PAPLN: variants seen among roughly 807,000 people sequenced by gnomAD.
PAPLN encodes papilin.
PAPLN carries 146 observed loss-of-function variants against 159.0 expected under a neutral mutation model. The observed-to-expected ratio is 0.92, with a 90% CI of 0.80 to 1.05. The LOEUF (loss-of-function observed/expected upper bound fraction) is 1.05. Among genes scored for constraint, PAPLN ranks in the 50% least tolerant of loss-of-function variants. The probability of loss-of-function intolerance (pLI) is 0.00; values close to 1 mark genes in which losing one functional copy is unlikely to be tolerated. For missense variants in PAPLN, 1,720 were observed against 1,743.9 expected (o/e 0.99, Z 0.24); for synonymous variants, 734 against 702.9 (o/e 1.04, Z -0.70).
In PAPLN at chr14:73,266,618, C is replaced by G. The variant is rs1271780535; in HGVS notation, c.3381C>G (p.Leu1127=). 1.2e-6 allele frequency: 2 copies of G among 1,614,010 alleles called. No individual in the cohort carries two copies. Among genetic ancestry groups the G allele is most frequent in the Non-Finnish European group, 1.7e-6 (2 of 1,180,034 alleles). Reference sequence around the variant, plus strand: ...ACCGAGACCAGCGATGGGTCCAGCTCAGAGTTCTGGGTAAAGTGGCAGTCC... The same window carrying G: ...ACCGAGACCAGCGATGGGTCCAGCTGAGAGTTCTGGGTAAAGTGGCAGTCC... ...GQDRDQRWVQ[L]RVLGELTISG... The change falls in exon 24 of 27, where the codon CTC becomes CTG. Residue 1127 remains leucine, a synonymous_variant. Coordinates refer to ENST00000644200, the MANE Select transcript of PAPLN (RefSeq NM_001365906.3).
At chr14:73,263,459 G>A (rs1033894547) in intron 19 of PAPLN, 186 bp from the exon 20 acceptor site, 1 of 697,748 alleles carries the variant, frequency 1.4e-6, no homozygotes, top group Non-Finnish European at 2.4e-6. Context: ...GCCGGGGGCA[G>A]GTTGGGGAGG....
intron 14 of PAPLN, 39 bp downstream of exon 14, chr14:73,255,057 C>T (rs771858801): frequency 4.4e-6 from 7 of 1,581,800 alleles, no homozygotes; most frequent in Non-Finnish European, 6.0e-6. Context: ...GGCCTCTGAC[C>T]TCTCTCCCAC....
At position 73,251,846 on chromosome 14, in the gene PAPLN, G is replaced by T; in HGVS notation, c.843+10G>T. Reference sequence around the variant, plus strand: ...GCCCCTGGTCATCGAGGTAAATGGGGGTGTGGGGAGAGAGGGCGAGTGGGC... The same window carrying T: ...GCCCCTGGTCATCGAGGTAAATGGGTGTGTGGGGAGAGAGGGCGAGTGGGC... On this transcript the variant is annotated intron_variant, in intron 9 of 26. Coordinates refer to ENST00000644200, the MANE Select transcript of PAPLN (RefSeq NM_001365906.3). The T allele has an allele frequency of 6.3e-7, 1 of 1,587,562 alleles. No homozygotes were observed. Among genetic ancestry groups the T allele is most frequent in the Non-Finnish European group, 8.6e-7 (1 of 1,169,514 alleles).
chr14:73,255,719 A>G (rs1885828683), intron 14 of PAPLN, among the ~76,000 whole-genome samples: 1 of 151,920 alleles, frequency 6.6e-6, no homozygotes, highest in African/African-American at 2.4e-5. Context: ...TTTGGCCTTG[A>G]CTCACTCGTG....
chr14:73,267,114 C>G lies in PAPLN; in HGVS notation c.3500+283C>G, dbSNP rs549920142. Among the ~76,000 whole-genome samples, 7 of 152,266 alleles carry G rather than the reference C, an allele frequency of 4.6e-5. 1 individual carries two copies. In the South Asian group the frequency reaches 6.2e-4, roughly 14 times the overall value. ...TTGCTGAGGGCTGTCCTGTGCTTTGCAGGATGTTTAGCAGCATCCAGGGCA... is the reference window on the plus strand; with the variant it reads ...TTGCTGAGGGCTGTCCTGTGCTTTGGAGGATGTTTAGCAGCATCCAGGGCA... On this transcript the variant is annotated intron_variant, in intron 25 of 26. Coordinates refer to ENST00000644200, the MANE Select transcript of PAPLN (RefSeq NM_001365906.3).
intron 2 of PAPLN, among the ~76,000 whole-genome samples, chr14:73,241,046 C>T (rs1384302423): frequency 5.3e-5 from 8 of 151,848 alleles, no homozygotes; most frequent in Non-Finnish European, 4.4e-5. Context: ...CATCTGTGGG[C>T]GGAGGCTGAG....
intron 5 of PAPLN, among the ~76,000 whole-genome samples, chr14:73,248,947 G>A (rs572018752): frequency 2.0e-5 from 3 of 152,228 alleles, no homozygotes; most frequent in South Asian, 2.1e-4. Context: ...CCTGGGTATC[G>A]TAGTGAGACC....
At chr14:73,257,455 T>A (rs966767223) in intron 14 of PAPLN, among the ~76,000 whole-genome samples, 3 of 152,024 alleles carry the variant, frequency 2.0e-5, no homozygotes, top group Admixed American at 6.6e-5. Context: ...TAAAAAAAAA[T>A]TCTTATTGTC....
At chr14:73,239,661 G>A in intron 1 of PAPLN, 112 bp from the exon 2 acceptor site, 1 of 1,473,292 alleles carries the variant, frequency 6.8e-7, no homozygotes, top group Non-Finnish European at 9.0e-7. Flanking sequence ...TCCTGTTGCG[G>A]GTCTCCTGGT....
intron 2 of PAPLN, 53 bp downstream of exon 2, chr14:73,239,885 C>G: frequency 1.3e-6 from 2 of 1,493,656 alleles, no homozygotes; most frequent in Non-Finnish European, 8.9e-7. Context: ...GAGTCGGGGG[C>G]GGGGACGCGC....
intron 4 of PAPLN, 67 bp from the exon 5 acceptor site, chr14:73,246,006 C>CG: frequency 7.1e-7 from 1 of 1,403,954 alleles, no homozygotes; most frequent in Non-Finnish European, 9.4e-7. Flanking sequence ...TGGGCTCGGG[C>CG]GGGGCGGGAG....
chr14:73,246,051 C>A, intron 4 of PAPLN, 22 bp from the exon 5 acceptor site: 1 of 1,519,174 alleles, frequency 6.6e-7, no homozygotes, highest in East Asian at 2.7e-5. Flanking sequence ...TCCTGGATCC[C>A]GACTTCCCCT....
Position 73,245,932 on chromosome 14 carries a change from C to T in PAPLN, c.232-141C>T, listed in dbSNP as rs1018041918. The T allele has an allele frequency of 4.2e-6, 4 of 954,426 alleles. No homozygotes were observed. The highest frequency in any genetic ancestry group is 6.0e-6 in the Non-Finnish European group (4 of 664,448). The allele number at this position is 954,426 out of a possible 1,614,324, so 59.1% of individuals were successfully genotyped here. On this transcript the variant is annotated intron_variant, in intron 4 of 26. Transcript: ENST00000644200. The surrounding 1 kb of genome is among the most constrained non-coding windows in gnomAD (Gnocchi z 4.2). ...GGGGCACGCACAGGAGTTCGGGGGT[C>T]CGGGGGGCGGACTCCACCTCCGGCG...
rs1884150819 is a variant in PAPLN at position 73,245,615 on chromosome 14, C to T, written c.171-21C>T. On this transcript the variant is annotated intron_variant, in intron 3 of 26. Coordinates refer to ENST00000644200, the MANE Select transcript of PAPLN (RefSeq NM_001365906.3). The surrounding 1 kb of genome is among the most constrained non-coding windows in gnomAD (Gnocchi z 4.2). ...GGACGTTGGGTCTCGGTCAGGTCTT[C>T]CCGGTGCTCTGGTCCCGCAGGAGAG... 6.4e-7 allele frequency: 1 copy of T among 1,553,154 alleles called. No homozygotes were observed. The highest frequency in any genetic ancestry group is 8.7e-7 in the Non-Finnish European group (1 of 1,149,602).
chr14:73,250,377 G>A (rs1885104247), intron 6 of PAPLN, among the ~76,000 whole-genome samples: 1 of 152,222 alleles, frequency 6.6e-6, no homozygotes, highest in African/African-American at 2.4e-5. Context: ...ACCGACTTCA[G>A]AAAAACAAAC....
Position 73,264,719 on chromosome 14 carries a change from G to A in PAPLN, c.3118G>A (p.Ala1040Thr), listed in dbSNP as rs1887037663. ...GAIPSSHPQP[A>T]NRLRLDQNQP... Reference sequence around the variant, plus strand: ...CATCCCCTCTTCACACCCACAGCCTGCAAACAGGTAAGAACTCAGCAATGC... The same window carrying A: ...CATCCCCTCTTCACACCCACAGCCTACAAACAGGTAAGAACTCAGCAATGC... Residue 1040 changes from alanine (A) to threonine (T), a missense_variant, in exon 22 of 27, where the codon GCA becomes ACA. Ala to Thr is a moderately conservative substitution (Grantham distance 58). Transcript: ENST00000644200. The A allele has an allele frequency of 6.2e-7, 1 of 1,612,988 alleles. No individual in the cohort carries two copies.
intron 18 of PAPLN, 110 bp downstream of exon 18, chr14:73,261,404 A>G: frequency 1.4e-6 from 2 of 1,418,282 alleles, no homozygotes; most frequent in Non-Finnish European, 1.9e-6. Context: ...TTATTCATTC[A>G]TTCCTACCAC....
At chr14:73,243,485 T>C (rs575270509) in intron 2 of PAPLN, 27 of 152,346 alleles carry the variant, frequency 1.8e-4, no homozygotes, top group African/African-American at 6.0e-4. Flanking sequence ...ATCTAGTGTC[T>C]CATTTGATTC....
At chr14:73,263,582 C>A (rs177385) in intron 19 of PAPLN, 63 bp from the exon 20 acceptor site, 1,287,914 of 1,606,662 alleles carry the variant, frequency 0.8, 524,523 homozygotes, top group South Asian at 0.85. Flanking sequence ...GAACACACTG[C>A]TTAGGGTGGT....
Sources: allele counts gnomAD v4.1 joint callset (sites outside exome capture counted in the v4.1 genomes callset), GRCh38; gene constraint gnomAD v4.1.1; non-coding constraint Gnocchi (gnomAD v3.1); transcripts MANE v1.5; gene names NCBI Gene and HGNC (gene_info 2026-07-23, HGNC 2026-07-21).